The following ACVR1C variants were observed in gnomAD, a reference collection of about 807,000 sequenced individuals.
ACVR1C encodes activin A receptor type 1C, also known as activin receptor type-1C.
A neutral mutation model predicts 57.9 loss-of-function variants in ACVR1C; 23 were observed. That is an observed-to-expected ratio of 0.40 (90% CI 0.29 to 0.56). The LOEUF (loss-of-function observed/expected upper bound fraction) is 0.56, where lower values mean the gene tolerates loss of function less well. ACVR1C is among the 20% of genes least tolerant of loss of function. The probability of loss-of-function intolerance (pLI) is 0.50; values close to 1 mark genes in which losing one functional copy is unlikely to be tolerated. For synonymous variants in ACVR1C, 214 were observed against 215.3 expected (o/e 0.99, Z 0.05); for missense variants, 480 against 607.9 (o/e 0.79, Z 2.21).
In ACVR1C at chr2:157,527,544, G is replaced by A. The variant is rs1398973408; in HGVS notation, c.*6374C>T. The A allele has an allele frequency of 6.6e-6, 1 of 152,128 alleles. No individual in the cohort carries two copies. The highest frequency in any genetic ancestry group is 1.5e-5 in the Non-Finnish European group (1 of 68,004). The allele number at this position is 152,128 out of a possible 1,614,324, so 9.4% of individuals were successfully genotyped here. On this transcript the variant is annotated 3_prime_UTR_variant, in exon 9 of 9. Coordinates refer to ENST00000243349, the MANE Select transcript of ACVR1C (RefSeq NM_145259.3). ...AGTCAATCCAAAATTCCTTTTTTGA[G>A]ATCTGAATCTAATTTTCTGTTTTTA...
intron 8 of ACVR1C, among the ~76,000 whole-genome samples, chr2:157,537,464 G>T (rs1232327655): frequency 6.6e-6 from 1 of 150,712 alleles, no homozygotes; most frequent in Non-Finnish European, 1.5e-5. Flanking sequence ...CAAGTATGTA[G>T]GTAAGACATC....
Position 157,587,433 on chromosome 2 carries a change from C to A in ACVR1C, c.74-16G>T. On this transcript the variant is annotated splice_polypyrimidine_tract_variant and intron_variant, in intron 1 of 8. Transcript: ENST00000243349. ...CACTTCAGTCCTGGAAAGAGTAAGG[C>A]AAAAAGATTTAAAATACAAAAGACA... The A allele has an allele frequency of 6.4e-7, 1 of 1,556,966 alleles. No homozygotes were observed. The highest frequency in any genetic ancestry group is 1.1e-5 in the South Asian group (1 of 89,466).
chr2:157,605,462 G>GA lies in ACVR1C; in HGVS notation c.74-18046dup, dbSNP rs1682371244. On this transcript the variant is annotated intron_variant, in intron 1 of 8. Coordinates refer to ENST00000243349, the MANE Select transcript of ACVR1C (RefSeq NM_145259.3). Reference sequence around the variant, plus strand: ...TTTGACTGAAACTTTGCAATCTATAGACCAATTTGGAGAAAATTAATAAAC... The same window carrying GA: ...TTTGACTGAAACTTTGCAATCTATAGAACCAATTTGGAGAAAATTAATAAAC... Among the ~76,000 whole-genome samples, 8 of 151,628 alleles carry GA rather than the reference G, an allele frequency of 5.3e-5. No individual in the cohort carries two copies. In the South Asian group the frequency reaches 1.7e-3, roughly 31 times the overall value.
chr2:157,556,660 T>TC (rs2105225761), intron 2 of ACVR1C, among the ~76,000 whole-genome samples: 1 of 112,992 alleles, frequency 8.9e-6, no homozygotes, highest in East Asian at 3.5e-4. Flanking sequence ...CAGTACACTT[T>TC]TTTTTTTTTT....
At chr2:157,550,637 C>A (rs952102691) in intron 3 of ACVR1C, among the ~76,000 whole-genome samples, 1 of 151,720 alleles carries the variant, frequency 6.6e-6, no homozygotes, top group African/African-American at 2.4e-5. Context: ...TTGAACATAG[C>A]CTGCTGCTAC....
intron 1 of ACVR1C, among the ~76,000 whole-genome samples, chr2:157,594,417 G>A (rs866444730): frequency 5.3e-5 from 8 of 152,138 alleles, no homozygotes; most frequent in Non-Finnish European, 4.4e-5. Flanking sequence ...GATGAAAAGA[G>A]AGAATTGGTG....
At chr2:157,538,266 T>A (rs896166651) in intron 8 of ACVR1C, among the ~76,000 whole-genome samples, 5 of 152,084 alleles carry the variant, frequency 3.3e-5, no homozygotes, top group Non-Finnish European at 5.9e-5. Context: ...CAGATCAGAG[T>A]GATTACTGAG....
intron 2 of ACVR1C, among the ~76,000 whole-genome samples, chr2:157,586,962 T>C (rs1253656803): frequency 2.0e-5 from 3 of 152,166 alleles, no homozygotes; most frequent in Non-Finnish European, 4.4e-5. Context: ...TGGACAAATT[T>C]CTTCAAAATT....
At chr2:157,628,527 C>T (rs1159273173) in intron 1 of ACVR1C, 45 bp downstream of exon 1, 5 of 1,587,112 alleles carry the variant, frequency 3.2e-6, no homozygotes, top group Non-Finnish European at 3.4e-6. Context: ...GACCTCCTCC[C>T]AGCTCCCACC....
intron 1 of ACVR1C, among the ~76,000 whole-genome samples, chr2:157,626,948 A>AT (rs1682908684): frequency 6.6e-6 from 1 of 151,864 alleles, no homozygotes. Flanking sequence ...TCTTTTTTTT[A>AT]TTTTTTGCAT....
At chr2:157,564,969 T>C (rs1688327358) in intron 2 of ACVR1C, among the ~76,000 whole-genome samples, 1 of 150,582 alleles carries the variant, frequency 6.6e-6, no homozygotes, top group African/African-American at 2.4e-5. Flanking sequence ...GGGTGGAGGG[T>C]AATGGGAGGG....
At chr2:157,563,884 T>C (rs575980241) in intron 2 of ACVR1C, among the ~76,000 whole-genome samples, 14 of 152,256 alleles carry the variant, frequency 9.2e-5, no homozygotes, top group African/African-American at 2.9e-4. Flanking sequence ...CCCTATTTAA[T>C]AATGGTACTG....
intron 8 of ACVR1C, among the ~76,000 whole-genome samples, chr2:157,536,251 A>T (rs1370956004): frequency 6.6e-6 from 1 of 152,348 alleles, no homozygotes. Context: ...AACTATTTGA[A>T]GAACTATGAC....
In ACVR1C at chr2:157,528,274, G is replaced by A. The variant is rs1428906664; in HGVS notation, c.*5644C>T. The A allele has an allele frequency of 6.6e-6, 1 of 152,108 alleles. No individual in the cohort carries two copies. Among genetic ancestry groups the A allele is most frequent in the African/African-American group, 2.4e-5 (1 of 41,416 alleles). 9.4% of individuals were successfully genotyped at this position (152,108 alleles called of 1,614,324 possible). ...GGATGTGATGGCAGTGGGTATAAGG[G>A]TAATCTCCTAAGGCACTCAGATTCT... On this transcript the variant is annotated 3_prime_UTR_variant, in exon 9 of 9. Coordinates refer to ENST00000243349, the MANE Select transcript of ACVR1C (RefSeq NM_145259.3).
intron 1 of ACVR1C, among the ~76,000 whole-genome samples, chr2:157,620,276 A>G (rs1339375810): frequency 1.3e-5 from 2 of 152,120 alleles, no homozygotes; most frequent in African/African-American, 4.8e-5. Context: ...TTTTCTGGAA[A>G]TACAAATGAC....
chr2:157,559,107 C>T (rs1042080567), intron 2 of ACVR1C, among the ~76,000 whole-genome samples: 4 of 152,178 alleles, frequency 2.6e-5, no homozygotes, highest in African/African-American at 9.7e-5. Flanking sequence ...GAGCTCAGAT[C>T]ATCACTATAG....
chr2:157,572,485 G>A (rs1033825048), intron 2 of ACVR1C, among the ~76,000 whole-genome samples: 2 of 151,724 alleles, frequency 1.3e-5, no homozygotes, highest in African/African-American at 4.8e-5. Context: ...ATCACATTTT[G>A]ACCTAGCTCA....
At chr2:157,607,128 C>T (rs80140273) in intron 1 of ACVR1C, among the ~76,000 whole-genome samples, 44 of 151,690 alleles carry the variant, frequency 2.9e-4, no homozygotes, top group Middle Eastern at 3.4e-3. Flanking sequence ...GCTGTAAATA[C>T]GTAGATTTAT....
intron 3 of ACVR1C, among the ~76,000 whole-genome samples, chr2:157,553,512 T>C (rs1229467464): frequency 6.6e-6 from 1 of 152,200 alleles, no homozygotes; most frequent in Non-Finnish European, 1.5e-5. Context: ...GTAACATTAA[T>C]TTTTGATTTC....
Sources: allele counts gnomAD v4.1 joint callset (sites outside exome capture counted in the v4.1 genomes callset), GRCh38; gene constraint gnomAD v4.1.1; transcripts MANE v1.5; gene names NCBI Gene and HGNC (gene_info 2026-07-23, HGNC 2026-07-21).